PSMA6: variants seen among roughly 807,000 people sequenced by gnomAD.
PSMA6 encodes the protein proteasome subunit alpha type-6.
For missense variants in PSMA6, 170 were observed against 294.8 expected (o/e 0.58, Z 3.10); for synonymous variants, 88 against 97.7 (o/e 0.90, Z 0.59).
chr14:35,296,619 A>G (rs1470476439), intron 1 of PSMA6, among the ~76,000 whole-genome samples: 2 of 152,078 alleles, frequency 1.3e-5, no homozygotes, highest in African/African-American at 2.4e-5. Flanking sequence ...GTGAGCCACC[A>G]TGCCCCGCCT....
At chr14:35,281,780 T>C (rs1028601109) in intron 1 of PSMA6, among the ~76,000 whole-genome samples, 1 of 152,042 alleles carries the variant, frequency 6.6e-6, no homozygotes, top group Non-Finnish European at 1.5e-5. Context: ...TTTTAAATTA[T>C]AAAATAGAGA....
intron 4 of PSMA6, 104 bp from the exon 5 acceptor site, chr14:35,312,777 A>G: frequency 9.6e-7 from 1 of 1,036,356 alleles, no homozygotes; most frequent in Non-Finnish European, 1.4e-6. Context: ...CCTAAAATTG[A>G]TGGCCAAAGT....
chr14:35,315,350 G>T (rs1294333876), intron 6 of PSMA6: 1 of 150,886 alleles, frequency 6.6e-6, no homozygotes, highest in African/African-American at 2.4e-5. Context: ...GTTGCCCACA[G>T]ATAAGTCATA....
chr14:35,317,206 AT>A (rs34710103), intron 6 of PSMA6, 42 bp from the exon 7 acceptor site: 13 of 1,553,830 alleles, frequency 8.4e-6, no homozygotes, highest in Non-Finnish European at 1.1e-5. Flanking sequence ...GTTTGAAAAA[AT>A]TTTTTTTAAA....
chr14:35,291,562 G>A (rs1363212465), upstream of PSMA6, among the ~76,000 whole-genome samples: 1 of 149,960 alleles, frequency 6.7e-6, no homozygotes, highest in African/African-American at 2.4e-5. Flanking sequence ...TGTGGCTCAA[G>A]CCTGTAATCC....
At chr14:35,310,017 C>T (rs956100968) in intron 3 of PSMA6, among the ~76,000 whole-genome samples, 10 of 151,950 alleles carry the variant, frequency 6.6e-5, no homozygotes, top group Non-Finnish European at 1.2e-4. Flanking sequence ...TACCTGTAGT[C>T]CTAGCTACTC....
chr14:35,286,263 C>T (rs1008156430), intron 1 of PSMA6, among the ~76,000 whole-genome samples: 5 of 152,310 alleles, frequency 3.3e-5, no homozygotes, highest in Admixed American at 1.3e-4. Flanking sequence ...TATGACCGTT[C>T]GCTTCTCCCA....
chr14:35,311,139 A>T (rs2051936438), intron 4 of PSMA6: 1 of 352,890 alleles, frequency 2.8e-6, no homozygotes, highest in Non-Finnish European at 5.1e-6. Flanking sequence ...GGTGTATGTG[A>T]TTTGAAAGAT....
intron 2 of PSMA6, 199 bp from the exon 3 acceptor site, chr14:35,308,715 G>T: frequency 2.1e-6 from 1 of 476,980 alleles, no homozygotes; most frequent in Non-Finnish European, 3.7e-6. Context: ...TCTAGAAAAG[G>T]TAAATAGAGC....
intron 1 of PSMA6, chr14:35,293,174 A>G (rs932085237): frequency 3.0e-5 from 11 of 362,630 alleles, no homozygotes; most frequent in Non-Finnish European, 5.0e-5. Flanking sequence ...TGATAGAATG[A>G]GTGACTCAAT....
At chr14:35,311,167 G>T in intron 4 of PSMA6, 1 of 286,250 alleles carries the variant, frequency 3.5e-6, no homozygotes, top group Non-Finnish European at 6.5e-6. Flanking sequence ...CTCATTATTA[G>T]GATGTTGTAA....
chr14:35,300,305 C>G (rs966330939), intron 1 of PSMA6, among the ~76,000 whole-genome samples: 1 of 152,004 alleles, frequency 6.6e-6, no homozygotes, highest in African/African-American at 2.4e-5. Context: ...CTTGTCTCTG[C>G]AGAATATATA....
chr14:35,308,041 G>A lies in PSMA6; in HGVS notation c.124G>A (p.Val42Ile). Reference sequence around the variant, plus strand: ...CCAGGGTGGCCTTACATCAGTAGCTGTCAGAGGGAAAGACTGTGCAGTAAT... The same window carrying A: ...CCAGGGTGGCCTTACATCAGTAGCTATCAGAGGGAAAGACTGTGCAGTAAT... Reference protein sequence around the residue: ...INQGGLTSVAVRGKDCAVIVT... With the variant: ...INQGGLTSVAIRGKDCAVIVT... Residue 42 changes from valine to isoleucine, a missense_variant, in exon 2 of 7, where the codon GTC becomes ATC. Coordinates refer to ENST00000261479, the MANE Select transcript of PSMA6 (RefSeq NM_002791.3). 2.5e-6 allele frequency: 4 copies of A among 1,614,022 alleles called. 1 individual carries two copies. The South Asian group carries it at 4.4e-5, about 18-fold the overall frequency.
intron 1 of PSMA6, 96 bp from the exon 2 acceptor site, chr14:35,307,898 A>C: frequency 8.6e-7 from 1 of 1,158,856 alleles, no homozygotes; most frequent in Non-Finnish European, 1.2e-6. Flanking sequence ...TTCTGTGTTC[A>C]TGTAGCTCTT....
chr14:35,286,911 T>A (rs1479320913), intron 1 of PSMA6, among the ~76,000 whole-genome samples: 1 of 152,060 alleles, frequency 6.6e-6, no homozygotes, highest in East Asian at 1.9e-4. Flanking sequence ...TATTGGAATC[T>A]GGGGTTTGAA....
upstream of PSMA6, chr14:35,292,200 C>A: frequency 1.2e-6 from 1 of 808,368 alleles, no homozygotes; most frequent in Non-Finnish European, 1.7e-6. Context: ...GAAAGCGCCA[C>A]GACCCAAGTT....
chr14:35,311,153 A>G, intron 4 of PSMA6: 1 of 324,368 alleles, frequency 3.1e-6, no homozygotes, highest in Non-Finnish European at 5.7e-6. Flanking sequence ...GAAAGATGCA[A>G]GTCCTCATTA....
chr14:35,309,073 TG>T, intron 3 of PSMA6, 78 bp downstream of exon 3: 1 of 1,158,794 alleles, frequency 8.6e-7, no homozygotes, highest in Non-Finnish European at 1.3e-6. Context: ...TTTTGAGTTT[TG>T]TATTAATTTT....
intron 1 of PSMA6, among the ~76,000 whole-genome samples, chr14:35,307,351 A>G (rs73239096): frequency 0.049 from 7,486 of 152,328 alleles, 333 homozygotes; most frequent in Admixed American, 0.15. Flanking sequence ...TGACCTGGGA[A>G]AACCAGACTT....
Sources: gnomAD v4.1 joint callset for allele counts (sites outside exome capture counted in the v4.1 genomes callset) on GRCh38, gnomAD v4.1.1 for gene constraint, MANE v1.5 for transcripts, NCBI Gene and HGNC (gene_info 2026-07-23, HGNC 2026-07-21) for gene names.